The following SLC9A1 variants were observed in gnomAD, a reference collection of about 807,000 sequenced individuals.
The protein encoded by SLC9A1 is sodium/hydrogen exchanger 1.
SLC9A1 carries 22 observed loss-of-function variants against 67.9 expected under a neutral mutation model. The ratio of observed to expected loss-of-function variants is 0.32; its 90% CI spans 0.23 to 0.46. The LOEUF (loss-of-function observed/expected upper bound fraction) is 0.46, where lower values mean the gene tolerates loss of function less well. Among genes scored for constraint, SLC9A1 ranks in the 20% least tolerant of loss-of-function variants. The pLI is 1.00. For missense variants in SLC9A1, 686 were observed against 1,094.8 expected (o/e 0.63, Z 5.27); for synonymous variants, 421 against 471.8 (o/e 0.89, Z 1.40).
intron 1 of SLC9A1, among the ~76,000 whole-genome samples, chr1:27,121,592 A>G (rs1365947952): frequency 6.6e-6 from 1 of 152,128 alleles, no homozygotes; most frequent in Admixed American, 6.5e-5. Flanking sequence ...GAGACCTGGC[A>G]AGAGAGGCTG....
chr1:27,131,711 C>T (rs1257097943), intron 1 of SLC9A1, among the ~76,000 whole-genome samples: 1 of 144,876 alleles, frequency 6.9e-6, no homozygotes, highest in African/African-American at 2.6e-5. Flanking sequence ...CGCACCACTG[C>T]ACTCCAGCCT....
rs1445368437 is a variant in SLC9A1 at position 27,114,272 on chromosome 1, G to T, written c.367C>A (p.Pro123Thr). Residue 123 changes from proline (P) to threonine (T), a missense_variant, in exon 2 of 12, where the codon CCC becomes ACC. By Grantham distance (38) the Pro-to-Thr change is conservative. Around this residue, in one of 7 missense-constraint regions of SLC9A1, gnomAD observed 143 missense variants for 166.7 expected, o/e 0.86. Coordinates refer to ENST00000263980, the MANE Select transcript of SLC9A1 (RefSeq NM_003047.5). The surrounding 1 kb of genome is among the most constrained non-coding windows in gnomAD (Gnocchi z 5.4). Reference sequence around the variant, plus strand: ...TCCGGGACGATGCTTGAGATAGTGGGGATCACATGGAAACCTGCGGAGGGC... The same window carrying T: ...TCCGGGACGATGCTTGAGATAGTGGTGATCACATGGAAACCTGCGGAGGGC... ...CLMKIGFHVI[P>T]TISSIVPESC... 2.5e-6 allele frequency: 4 copies of T among 1,609,072 alleles called. No homozygotes were observed. The African/African-American group carries it at 5.3e-5, about 22-fold the overall frequency.
chr1:27,131,712 A>G (rs1570874081), intron 1 of SLC9A1, among the ~76,000 whole-genome samples: 1 of 143,878 alleles, frequency 7.0e-6, no homozygotes, highest in South Asian at 2.2e-4. Context: ...GCACCACTGC[A>G]CTCCAGCCTG....
At chr1:27,112,415 C>T (rs1415293550) in intron 2 of SLC9A1, among the ~76,000 whole-genome samples, 4 of 152,162 alleles carry the variant, frequency 2.6e-5, no homozygotes, top group African/African-American at 2.4e-5. Flanking sequence ...CTGCTCTGAG[C>T]GGGACAGCTC....
chr1:27,124,061 G>C (rs986417633), intron 1 of SLC9A1, among the ~76,000 whole-genome samples: 2 of 152,108 alleles, frequency 1.3e-5, no homozygotes, highest in African/African-American at 4.8e-5. Context: ...CCCCAGCTCA[G>C]GTGCTCCGTT....
intron 1 of SLC9A1, among the ~76,000 whole-genome samples, chr1:27,152,048 C>T (rs781410636): frequency 1.2e-4 from 19 of 152,122 alleles, no homozygotes; most frequent in Non-Finnish European, 2.2e-4. Context: ...GGTAGGGAGG[C>T]GTGACTGGTC....
chr1:27,100,085 T>G lies in SLC9A1; in HGVS notation c.*222A>C, dbSNP rs948178569. 3.3e-5 allele frequency: 15 copies of G among 451,536 alleles called. No individual in the cohort carries two copies. Among genetic ancestry groups the G allele is most frequent in the Non-Finnish European group, 5.4e-5 (14 of 257,320 alleles). 28.0% of individuals were successfully genotyped at this position (451,536 alleles called of 1,614,324 possible). On this transcript the variant is annotated 3_prime_UTR_variant, in exon 12 of 12. Coordinates refer to ENST00000263980, the MANE Select transcript of SLC9A1 (RefSeq NM_003047.5). This position sits in a 1 kb window ranked among gnomAD's most constrained non-coding sequence, Gnocchi z 5.6. The stretch of plus-strand genomic sequence containing the variant: ...GGGCCGGCCTCACCAGCCCCAGCAG[T>G]TCTGCCAAATGGATTGGGGAGGCAG...
chr1:27,126,405 CA>C (rs1471836198), intron 1 of SLC9A1, among the ~76,000 whole-genome samples: 2 of 152,176 alleles, frequency 1.3e-5, no homozygotes, highest in African/African-American at 4.8e-5. Context: ...ACCACAAACA[CA>C]AAAGCACTGG....
At chr1:27,128,279 T>C (rs530243229) in intron 1 of SLC9A1, among the ~76,000 whole-genome samples, 14 of 152,194 alleles carry the variant, frequency 9.2e-5, no homozygotes, top group African/African-American at 2.6e-4. Context: ...CTTTCTAACA[T>C]TGGGATAAAG....
intron 1 of SLC9A1, among the ~76,000 whole-genome samples, chr1:27,125,882 TGCCCA>T (rs2083340665): frequency 1.3e-5 from 2 of 151,798 alleles, no homozygotes; most frequent in Admixed American, 6.6e-5. Context: ...TGAGCCACTG[TGCCCA>T]GCCAAGAGTG....
chr1:27,154,966 G>A lies in SLC9A1; in HGVS notation c.-632C>T, dbSNP rs1219383852. The stretch of plus-strand genomic sequence containing the variant: ...GGAAGGCAGGCGGCCTGGCGGGAAG[G>A]CGCCTCGGCGCGGGCTGGGGGCGGC... On this transcript the variant is annotated 5_prime_UTR_variant, in exon 1 of 12. Coordinates refer to ENST00000263980, the MANE Select transcript of SLC9A1 (RefSeq NM_003047.5). 2 of 152,312 alleles carry A rather than the reference G, an allele frequency of 1.3e-5. No homozygotes were observed. The highest frequency in any genetic ancestry group is 2.9e-5 in the Non-Finnish European group (2 of 68,164). The allele number at this position is 152,312 out of a possible 1,614,324, so 9.4% of individuals were successfully genotyped here. A position where few individuals can be genotyped will look rare whatever the true frequency, so the allele number is the denominator to read the frequency against.
intron 1 of SLC9A1, among the ~76,000 whole-genome samples, chr1:27,129,784 CTTTT>C (rs1162970978): frequency 6.6e-6 from 1 of 152,028 alleles, no homozygotes; most frequent in Non-Finnish European, 1.5e-5. Flanking sequence ...ACTCCCACTT[CTTTT>C]TTTTAAACTA....
rs370042214 is a variant in SLC9A1, at chr1:27,100,445, C to T, written c.2310G>A (p.Ser770=). The T allele has an allele frequency of 5.1e-5, 83 of 1,613,562 alleles. No homozygotes were observed. Among genetic ancestry groups the T allele is most frequent in the Non-Finnish European group, 6.2e-5 (73 of 1,179,718 alleles). ...GGIMMRSKET[S]SPGTDDVFTP... ...TGAAGACATCGTCGGTTCCTGGGGA[C>T]GAAGTCTCCTTGCTCCGCATCATGA... The change falls in exon 12 of 12, where the codon TCG becomes TCA. Residue 770 remains serine (S), a synonymous_variant. Coordinates refer to ENST00000263980, the MANE Select transcript of SLC9A1 (RefSeq NM_003047.5). This position sits in a 1 kb window ranked among gnomAD's most constrained non-coding sequence, Gnocchi z 5.6.
chr1:27,142,430 CT>C (rs1433518567), intron 1 of SLC9A1, among the ~76,000 whole-genome samples: 1 of 152,214 alleles, frequency 6.6e-6, no homozygotes, highest in East Asian at 1.9e-4. Context: ...ATATTCTATA[CT>C]TTCATTCCTA....
At chr1:27,127,667 G>C (rs763024648) in intron 1 of SLC9A1, among the ~76,000 whole-genome samples, 33 of 152,284 alleles carry the variant, frequency 2.2e-4, no homozygotes, top group Non-Finnish European at 4.1e-4. Context: ...GTGGTCAAGG[G>C]AGACAGCGCT....
intron 1 of SLC9A1, among the ~76,000 whole-genome samples, chr1:27,136,670 C>T (rs1213095937): frequency 6.6e-6 from 1 of 152,202 alleles, no homozygotes; most frequent in African/African-American, 2.4e-5. Context: ...TCTCCGGCTA[C>T]ATCCTCTCCA....
At chr1:27,129,486 G>T (rs1015165658) in intron 1 of SLC9A1, among the ~76,000 whole-genome samples, 2 of 152,190 alleles carry the variant, frequency 1.3e-5, no homozygotes, top group African/African-American at 4.8e-5. Context: ...GCAGGGCTTG[G>T]TCCTGGTGCC....
At chr1:27,153,515 C>T (rs1009117556) in intron 1 of SLC9A1, among the ~76,000 whole-genome samples, 1 of 152,202 alleles carries the variant, frequency 6.6e-6, no homozygotes, top group Admixed American at 6.5e-5. Flanking sequence ...TTAAACTCCT[C>T]AAGCAGGCCA....
chr1:27,125,059 C>T (rs1372995496), intron 1 of SLC9A1, among the ~76,000 whole-genome samples: 1 of 152,058 alleles, frequency 6.6e-6, no homozygotes, highest in Admixed American at 6.6e-5. Context: ...TCCTCTCACT[C>T]CTGACATCCA....
Sources: allele counts gnomAD v4.1 joint callset (sites outside exome capture counted in the v4.1 genomes callset), GRCh38; gene constraint gnomAD v4.1.1; regional missense constraint gnomAD v4.1.1; non-coding constraint Gnocchi (gnomAD v3.1); transcripts MANE v1.5; gene names NCBI Gene and HGNC (gene_info 2026-07-23, HGNC 2026-07-21).